The following EYS variants were observed in gnomAD, a reference collection of about 807,000 sequenced individuals.
EYS encodes the protein EGF-like photoreceptor maintenance factor, also known as protein eyes shut homolog.
EYS carries 250 observed loss-of-function variants against 282.1 expected under a neutral mutation model. The observed-to-expected ratio is 0.89, with a 90% confidence interval of 0.80 to 0.98. EYS has a LOEUF of 0.98. Among genes scored for constraint, EYS ranks in the 50% least tolerant of loss-of-function variants. The pLI is 0.00. For missense variants in EYS, 4,016 were observed against 3,709.0 expected, an observed-to-expected ratio of 1.08 and a Z score of -2.15; for synonymous variants, 1,355 against 1,282.9, an observed-to-expected ratio of 1.06 and a Z score of -1.20.
chr6:64,756,374 A>G (rs187648948), intron 22 of EYS, among the ~76,000 whole-genome samples: 59 of 152,298 alleles, frequency 3.9e-4, no homozygotes, highest in Non-Finnish European at 1.9e-4. Context: ...TTATTTGAAT[A>G]AGGATCTTGC....
At chr6:64,243,491 G>T (rs954686025) in intron 30 of EYS, among the ~76,000 whole-genome samples, 2 of 152,162 alleles carry the variant, frequency 1.3e-5, no homozygotes, top group Non-Finnish European at 2.9e-5. Flanking sequence ...GTCCCCTTGG[G>T]TGTCACACTC....
chr6:63,905,329 CTTTTTTTTTTT>C (rs377115720), intron 35 of EYS, among the ~76,000 whole-genome samples: 1 of 118,304 alleles, frequency 8.5e-6, no homozygotes, highest in East Asian at 2.4e-4. Context: ...CTTTTTTTTT[CTTTTTTTTTTT>C]TTTTTTTGAG....
chr6:65,021,123 GCTC>G (rs1366561965), intron 13 of EYS, among the ~76,000 whole-genome samples: 5 of 152,126 alleles, frequency 3.3e-5, no homozygotes, highest in African/African-American at 1.2e-4. Flanking sequence ...TTAACATTCT[GCTC>G]CTCATTACTT....
At chr6:64,362,586 T>G (rs1336050935) in intron 29 of EYS, among the ~76,000 whole-genome samples, 2 of 151,830 alleles carry the variant, frequency 1.3e-5, no homozygotes, top group Non-Finnish European at 1.5e-5. Flanking sequence ...TACAAGGTTC[T>G]GATTTTATAG....
chr6:64,244,808 T>G (rs1463375236), intron 30 of EYS, among the ~76,000 whole-genome samples: 2 of 152,216 alleles, frequency 1.3e-5, no homozygotes, highest in African/African-American at 4.8e-5. Context: ...AAGTTCTATT[T>G]GCTAATATTT....
At chr6:64,354,141 A>T (rs922250735) in intron 29 of EYS, among the ~76,000 whole-genome samples, 4 of 151,668 alleles carry the variant, frequency 2.6e-5, no homozygotes, top group African/African-American at 9.7e-5. Flanking sequence ...CAAAAAGGTA[A>T]CACGATAGAG....
intron 2 of EYS, among the ~76,000 whole-genome samples, chr6:65,637,898 T>A (rs1443817827): frequency 6.6e-6 from 1 of 152,112 alleles, no homozygotes; most frequent in Non-Finnish European, 1.5e-5. Flanking sequence ...GTGGACAGCA[T>A]GTTGATGGTG....
At position 63,723,855 on chromosome 6, in the gene EYS, T is replaced by A. The variant is rs1239649308; in HGVS notation, c.8234-2058A>T. Among the ~76,000 whole-genome samples, 4 of 150,716 alleles carry A rather than the reference T, an allele frequency of 2.7e-5. No individual in the cohort carries two copies. The East Asian group carries it at 7.8e-4, about 29-fold the overall frequency. On this transcript the variant is annotated intron_variant, in intron 42 of 42. Transcript: ENST00000503581. ...TATTATTTTGAGACCAGAGTCCTGC[T>A]CTGTCCCCCAAGCTGGAGTGCAATG...
chr6:64,000,255 G>A (rs1768030467), intron 33 of EYS, among the ~76,000 whole-genome samples: 1 of 131,842 alleles, frequency 7.6e-6, no homozygotes, highest in South Asian at 2.6e-4. Flanking sequence ...GCAGTGGCGC[G>A]ATCTCGGCTC....
At chr6:63,962,425 G>C (rs1204591066) in intron 35 of EYS, among the ~76,000 whole-genome samples, 9 of 151,686 alleles carry the variant, frequency 5.9e-5, no homozygotes, top group African/African-American at 9.7e-5. Flanking sequence ...AAAAAACAAA[G>C]AACCCCATCA....
At chr6:64,659,854 GA>G (rs1437707835) in intron 22 of EYS, among the ~76,000 whole-genome samples, 6 of 152,064 alleles carry the variant, frequency 3.9e-5, no homozygotes, top group Non-Finnish European at 5.9e-5. Context: ...CCAATCAATA[GA>G]AAAAGAGGGA....
chr6:65,458,568 T>A (rs1180226883), intron 5 of EYS, among the ~76,000 whole-genome samples: 2 of 152,162 alleles, frequency 1.3e-5, no homozygotes, highest in Admixed American at 1.3e-4. Context: ...TTCCAATTCC[T>A]ATTTATCACT....
intron 19 of EYS, among the ~76,000 whole-genome samples, chr6:64,827,279 A>G (rs541908550): frequency 2.0e-5 from 3 of 151,968 alleles, no homozygotes; most frequent in Non-Finnish European, 4.4e-5. Flanking sequence ...GAGGTCTTAC[A>G]AAATTCTAGT....
chr6:63,736,202 G>C (rs1450047561), intron 41 of EYS, among the ~76,000 whole-genome samples: 2 of 152,140 alleles, frequency 1.3e-5, no homozygotes, highest in African/African-American at 4.8e-5. Flanking sequence ...TTTTCTTCTA[G>C]GGTTTTTATG....
intron 12 of EYS, among the ~76,000 whole-genome samples, chr6:65,228,756 G>A (rs1191355425): frequency 1.3e-5 from 2 of 151,996 alleles, no homozygotes; most frequent in East Asian, 1.9e-4. Context: ...CTCTGACTTC[G>A]AGACTTGTTA....
chr6:65,011,623 TC>T (rs979539370), intron 13 of EYS, among the ~76,000 whole-genome samples: 2 of 152,192 alleles, frequency 1.3e-5, no homozygotes, highest in Non-Finnish European at 2.9e-5. Context: ...TCTTGGGATT[TC>T]CTGTTGAGAG....
At chr6:65,217,478 A>G (rs1364966989) in intron 12 of EYS, among the ~76,000 whole-genome samples, 5 of 152,096 alleles carry the variant, frequency 3.3e-5, no homozygotes, top group African/African-American at 9.7e-5. Flanking sequence ...AAAAATGCCA[A>G]TAAATATTTG....
chr6:64,239,081 C>T (rs930791835), intron 30 of EYS, among the ~76,000 whole-genome samples: 1 of 152,228 alleles, frequency 6.6e-6, no homozygotes, highest in African/African-American at 2.4e-5. Context: ...AGGACGTGAA[C>T]TCATCCTTTT....
chr6:64,022,717 A>G (rs185915922), intron 33 of EYS, among the ~76,000 whole-genome samples: 67 of 152,342 alleles, frequency 4.4e-4, no homozygotes, highest in Non-Finnish European at 9.0e-4. Context: ...ATCTACTGAA[A>G]CAGGCTGCTG....
Sources: allele counts gnomAD v4.1 joint callset (sites outside exome capture counted in the v4.1 genomes callset), GRCh38; gene constraint gnomAD v4.1.1; transcripts MANE v1.5; gene names NCBI Gene and HGNC (gene_info 2026-07-23, HGNC 2026-07-21).